RASGRF2: variants seen among roughly 807,000 people sequenced by gnomAD.
RASGRF2 encodes ras-specific guanine nucleotide-releasing factor 2.
In RASGRF2, 76 loss-of-function variants were observed where a neutral mutation model predicts 151.0. The ratio of observed to expected loss-of-function variants is 0.50; its 90% CI spans 0.42 to 0.61. RASGRF2 has a LOEUF of 0.61. RASGRF2 is among the 20% of genes least tolerant of loss of function. The pLI, the probability that RASGRF2 is intolerant of heterozygous loss-of-function variation, is 0.00. For synonymous variants in RASGRF2, 504 were observed against 566.5 expected (o/e 0.89, Z 1.57); for missense variants, 1,148 against 1,564.6 (o/e 0.73, Z 4.49).
chr5:81,229,803 C>T lies in RASGRF2; in HGVS notation c.*4033C>T, dbSNP rs1481368346. On this transcript the variant is annotated 3_prime_UTR_variant, in exon 27 of 27. Transcript: ENST00000265080. ...TTACACATCCCTGAGCCTCAGTTTC[C>T]TCATCTGCAAAACGGTGTGAATAGT... 6.6e-6 allele frequency: 1 copy of T among 152,232 alleles called. No homozygotes were observed. The highest frequency in any genetic ancestry group is 1.9e-4 in the East Asian group (1 of 5,198). The allele number at this position is 152,232 out of a possible 1,614,324, so 9.4% of individuals were successfully genotyped here.
intron 1 of RASGRF2, among the ~76,000 whole-genome samples, chr5:81,016,501 C>T (rs1171130875): frequency 6.6e-6 from 1 of 152,146 alleles, no homozygotes; most frequent in East Asian, 1.9e-4. Context: ...CCAGTGAGCA[C>T]AGTTTAATTT....
Position 80,991,824 on chromosome 5 carries a change from C to A in RASGRF2, c.288+30798C>A, listed in dbSNP as rs568697604. 1.2e-4 allele frequency among the ~76,000 whole-genome samples: 19 copies of A among 152,140 alleles called. No individual in the cohort carries two copies. The South Asian group carries it at 3.7e-3, about 30-fold the overall frequency. On this transcript the variant is annotated intron_variant, in intron 1 of 26. Coordinates refer to ENST00000265080, the MANE Select transcript of RASGRF2 (RefSeq NM_006909.3). ...TTGAGCACCTGTAGCTTACGTAAACCCTTTGCCAGGGACAGTGGCTTTTAA... is the reference window on the plus strand; with the variant it reads ...TTGAGCACCTGTAGCTTACGTAAACACTTTGCCAGGGACAGTGGCTTTTAA...
In RASGRF2 at chr5:80,960,920, G is replaced by A. The variant is rs1305250577; in HGVS notation, c.182G>A (p.Arg61His). ...LFYFEGEQSC[R>H]PAGMYLLEGC... ...TACTTCGAGGGCGAGCAGAGCTGCCGCCCGGCGGGCATGTACCTCCTGGAG... is the reference window on the plus strand; with the variant it reads ...TACTTCGAGGGCGAGCAGAGCTGCCACCCGGCGGGCATGTACCTCCTGGAG... The change falls in exon 1 of 27, where the codon CGC (arginine) becomes CAC (histidine). Residue 61 changes from arginine to histidine, a missense_variant. By Grantham distance (29) the Arg-to-His change is conservative. Coordinates refer to ENST00000265080, the MANE Select transcript of RASGRF2 (RefSeq NM_006909.3). The surrounding 1 kb of genome is among the most constrained non-coding windows in gnomAD (Gnocchi z 5.5). 2.5e-6 allele frequency: 4 copies of A among 1,599,392 alleles called. No homozygotes were observed. Among genetic ancestry groups the A allele is most frequent in the Non-Finnish European group, 2.6e-6 (3 of 1,170,084 alleles).
intron 18 of RASGRF2, among the ~76,000 whole-genome samples, chr5:81,187,852 T>A (rs1755065783): frequency 6.6e-6 from 1 of 152,216 alleles, no homozygotes; most frequent in Non-Finnish European, 1.5e-5. Context: ...GGCTTCTAAA[T>A]TTTTTTGTTG....
intron 17 of RASGRF2, among the ~76,000 whole-genome samples, chr5:81,144,573 C>T (rs1271270185): frequency 6.6e-6 from 1 of 152,192 alleles, no homozygotes; most frequent in Non-Finnish European, 1.5e-5. Flanking sequence ...GCTTCACCTA[C>T]ATCTTGCAAA....
chr5:80,969,161 C>G (rs537141202), intron 1 of RASGRF2, among the ~76,000 whole-genome samples: 1 of 128,220 alleles, frequency 7.8e-6, no homozygotes, highest in Non-Finnish European at 1.6e-5. Flanking sequence ...GTTGGAGTCT[C>G]GCTCTGTCAC....
chr5:81,072,591 T>A (rs751881168), intron 4 of RASGRF2, among the ~76,000 whole-genome samples: 1 of 152,270 alleles, frequency 6.6e-6, no homozygotes, highest in East Asian at 1.9e-4. Flanking sequence ...AATTATGTTA[T>A]AATTTTTTAT....
chr5:81,197,573 T>C (rs1325366046), intron 18 of RASGRF2, among the ~76,000 whole-genome samples: 1 of 152,016 alleles, frequency 6.6e-6, no homozygotes, highest in Non-Finnish European at 1.5e-5. Flanking sequence ...TAGACTTGCA[T>C]TGTCTACAAT....
In RASGRF2 at chr5:81,228,293, G is replaced by A. The variant is rs1051945048; in HGVS notation, c.*2523G>A. Reference sequence around the variant, plus strand: ...CCTGGAGCTGCAAGAGGGCAAGAGAGAGAGCTCCACCTCTGAGGGAGTGTC... The same window carrying A: ...CCTGGAGCTGCAAGAGGGCAAGAGAAAGAGCTCCACCTCTGAGGGAGTGTC... On this transcript the variant is annotated 3_prime_UTR_variant, in exon 27 of 27. Transcript: ENST00000265080. The A allele has an allele frequency of 6.6e-6, 1 of 152,260 alleles. No individual in the cohort carries two copies. The highest frequency in any genetic ancestry group is 2.4e-5 in the African/African-American group (1 of 41,474). The allele number at this position is 152,260 out of a possible 1,614,324, so 9.4% of individuals were successfully genotyped here. A position where few individuals can be genotyped will look rare whatever the true frequency, so the allele number is the denominator to read the frequency against.
At chr5:81,041,042 G>A (rs1561572743) in intron 1 of RASGRF2, among the ~76,000 whole-genome samples, 5 of 152,250 alleles carry the variant, frequency 3.3e-5, no homozygotes, top group South Asian at 2.1e-4. Context: ...AGAGGCTCAC[G>A]CCTGTAATCC....
At chr5:81,187,606 G>A (rs566028911) in intron 18 of RASGRF2, among the ~76,000 whole-genome samples, 99 of 152,312 alleles carry the variant, frequency 6.5e-4, no homozygotes, top group Non-Finnish European at 1.2e-3. Flanking sequence ...CTCTTTCCCA[G>A]TAAAGGAACC....
intron 1 of RASGRF2, among the ~76,000 whole-genome samples, chr5:80,998,302 T>G (rs906410488): frequency 3.9e-5 from 6 of 152,218 alleles, no homozygotes; most frequent in African/African-American, 1.2e-4. Flanking sequence ...ACCTTTTGAT[T>G]CTCTACTTTC....
chr5:81,095,872 G>A (rs1752534187), intron 12 of RASGRF2, among the ~76,000 whole-genome samples: 1 of 152,144 alleles, frequency 6.6e-6, no homozygotes, highest in African/African-American at 2.4e-5. Context: ...AATAGAAAAT[G>A]AATGTCAATA....
At chr5:80,982,914 A>G (rs1748357641) in intron 1 of RASGRF2, among the ~76,000 whole-genome samples, 1 of 152,072 alleles carries the variant, frequency 6.6e-6, no homozygotes, top group Non-Finnish European at 1.5e-5. Flanking sequence ...ATTTGGTTCT[A>G]TTATTAATCA....
rs150682990 is a variant in RASGRF2, at chr5:81,012,275, A to G, written c.289-30602A>G. Among the ~76,000 whole-genome samples the G allele has an allele frequency of 5.3e-4, 80 of 152,230 alleles. 1 individual carries two copies. Among genetic ancestry groups the G allele is most frequent in the African/African-American group, 1.9e-3 (79 of 41,552 alleles). On this transcript the variant is annotated intron_variant, in intron 1 of 26. Coordinates refer to ENST00000265080, the MANE Select transcript of RASGRF2 (RefSeq NM_006909.3). ...ATGCTATCTGCCAGAGCTCTCCATGATAAAGTGATTTTTTTTTCTGTGGAA... is the reference window on the plus strand; with the variant it reads ...ATGCTATCTGCCAGAGCTCTCCATGGTAAAGTGATTTTTTTTTCTGTGGAA...
At chr5:81,026,196 T>C (rs1394296110) in intron 1 of RASGRF2, among the ~76,000 whole-genome samples, 5 of 150,972 alleles carry the variant, frequency 3.3e-5, no homozygotes, top group African/African-American at 1.2e-4. Flanking sequence ...TCCTTTTTCC[T>C]TCCTTTCTTC....
chr5:81,136,803 C>T (rs1334279638), intron 17 of RASGRF2, among the ~76,000 whole-genome samples: 2 of 152,000 alleles, frequency 1.3e-5, no homozygotes, highest in African/African-American at 4.8e-5. Context: ...GTTTTTTCCC[C>T]CTTTCCTTTT....
chr5:81,032,593 A>G (rs946056008), intron 1 of RASGRF2, among the ~76,000 whole-genome samples: 28 of 152,226 alleles, frequency 1.8e-4, no homozygotes, highest in African/African-American at 6.0e-4. Flanking sequence ...ACAAAATTCA[A>G]CAGCTCTTCA....
chr5:81,098,834 T>C (rs1461005092), intron 12 of RASGRF2, among the ~76,000 whole-genome samples: 1 of 152,224 alleles, frequency 6.6e-6, no homozygotes, highest in Non-Finnish European at 1.5e-5. Context: ...TATCCATTCA[T>C]GGAATTAGTC....
Sources: gnomAD v4.1 joint callset for allele counts (sites outside exome capture counted in the v4.1 genomes callset) on GRCh38, gnomAD v4.1.1 for gene constraint, Gnocchi (gnomAD v3.1) non-coding constraint, MANE v1.5 for transcripts, NCBI Gene and HGNC (gene_info 2026-07-23, HGNC 2026-07-21) for gene names.